The following TGM3 variants were observed in gnomAD, a reference collection of about 807,000 sequenced individuals.
The protein encoded by TGM3 is protein-glutamine gamma-glutamyltransferase E.
TGM3 carries 52 observed loss-of-function variants against 73.8 expected under a neutral mutation model. That is an observed-to-expected ratio of 0.70 (90% confidence interval 0.56 to 0.89). The LOEUF is 0.89. Among genes scored for constraint, TGM3 ranks in the 40% least tolerant of loss-of-function variants. TGM3 has a pLI of 0.00. For missense variants in TGM3, 928 were observed against 909.9 expected (o/e 1.02, Z -0.26); for synonymous variants, 372 against 354.9 (o/e 1.05, Z -0.54).
At chr20:2,315,329 C>T (rs900523161) in intron 5 of TGM3, among the ~76,000 whole-genome samples, 1 of 152,228 alleles carries the variant, frequency 6.6e-6, no homozygotes, top group Non-Finnish European at 1.5e-5. Context: ...CAGCTTTCAG[C>T]CAGAGATGAC....
intron 1 of TGM3, among the ~76,000 whole-genome samples, chr20:2,307,490 G>A (rs529058745): frequency 9.7e-4 from 148 of 152,196 alleles, no homozygotes; most frequent in Non-Finnish European, 1.6e-3. Context: ...ATGGGCACCC[G>A]GCAAAATTCT....
Position 2,340,737 on chromosome 20 carries a change from C to T in TGM3, c.*156C>T. 2.1e-6 allele frequency: 2 copies of T among 960,520 alleles called. No individual in the cohort carries two copies. Among genetic ancestry groups the T allele is most frequent in the South Asian group, 1.4e-5 (1 of 69,422 alleles). The allele number at this position is 960,520 out of a possible 1,614,324, so 59.5% of individuals were successfully genotyped here. On this transcript the variant is annotated 3_prime_UTR_variant, in exon 13 of 13. Coordinates refer to ENST00000381458, the MANE Select transcript of TGM3 (RefSeq NM_003245.4). The stretch of plus-strand genomic sequence containing the variant: ...CCTCCAGGCTCCAGCACATCCCCCT[C>T]TCCTCTCCCCCAGGTTGGGGCTGGG...
chr20:2,327,276 C>A (rs1022391512), intron 8 of TGM3, among the ~76,000 whole-genome samples: 1 of 151,880 alleles, frequency 6.6e-6, no homozygotes, highest in African/African-American at 2.4e-5. Context: ...CGAGACCATC[C>A]TGGCTAACAT....
intron 8 of TGM3, among the ~76,000 whole-genome samples, chr20:2,326,731 C>T (rs1009788788): frequency 2.0e-5 from 3 of 151,952 alleles, no homozygotes; most frequent in Non-Finnish European, 2.9e-5. Context: ...GCCTTAATCC[C>T]AGCTACTTGG....
At chr20:2,337,240 G>T (rs996260888) in intron 11 of TGM3, among the ~76,000 whole-genome samples, 1 of 152,132 alleles carries the variant, frequency 6.6e-6, no homozygotes, top group African/African-American at 2.4e-5. Flanking sequence ...GTCAGTCCAG[G>T]CTTGTGCCCT....
chr20:2,326,257 C>T (rs564782524), intron 8 of TGM3, among the ~76,000 whole-genome samples: 6 of 152,340 alleles, frequency 3.9e-5, no homozygotes, highest in South Asian at 4.1e-4. Context: ...CTGCAGCAGC[C>T]TCTCCTTCCC....
intron 1 of TGM3, among the ~76,000 whole-genome samples, chr20:2,299,587 G>A (rs2084131494): frequency 6.6e-6 from 1 of 152,192 alleles, no homozygotes; most frequent in Admixed American, 6.5e-5. Context: ...GCTGAGAGAT[G>A]GGAGTCAGAA....
At chr20:2,315,520 C>T (rs147406200) in intron 5 of TGM3, among the ~76,000 whole-genome samples, 201 of 152,336 alleles carry the variant, frequency 1.3e-3, no homozygotes, top group African/African-American at 4.1e-3. Flanking sequence ...CTGGGCATGG[C>T]CTGTCCTGGG....
In TGM3 at chr20:2,340,465, C is replaced by G; in HGVS notation, c.1966C>G (p.Arg656Gly). The G allele has an allele frequency of 6.2e-7, 1 of 1,614,042 alleles. No homozygotes were observed. The highest frequency in any genetic ancestry group is 1.7e-4 in the Middle Eastern group (1 of 6,060). The change falls in exon 13 of 13, where the codon CGG becomes GGG. Residue 656 changes from arginine to glycine, a missense_variant. Physicochemically the swap from Arg to Gly is moderately radical, Grantham distance 125. Transcript: ENST00000381458. Reference protein sequence around the residue: ...VPTLGPKEGSRVRFDILPSRS... With the variant: ...VPTLGPKEGSGVRFDILPSRS... The stretch of plus-strand genomic sequence containing the variant: ...GACCCTAGGGCCCAAGGAGGGGTCC[C>G]GGGTCCGTTTTGATATCCTGCCCTC...
In TGM3 at chr20:2,310,329, C is replaced by T. The variant is rs1377885911; in HGVS notation, c.333C>T (p.Tyr111=). The T allele has an allele frequency of 9.9e-6, 16 of 1,614,128 alleles. No homozygotes were observed. The highest frequency in any genetic ancestry group is 1.3e-5 in the Non-Finnish European group (15 of 1,180,040). The change falls in exon 3 of 13, where the codon TAC becomes TAT. Residue 111 remains tyrosine (Y), a synonymous_variant. Coordinates refer to ENST00000381458, the MANE Select transcript of TGM3 (RefSeq NM_003245.4). ...SSPASAPIGR[Y]TMALQIFSQG... ...CTGCCAGCGCACCCATAGGACGGTACACAATGGCCCTCCAGATCTTCTCCC... is the reference window on the plus strand; with the variant it reads ...CTGCCAGCGCACCCATAGGACGGTATACAATGGCCCTCCAGATCTTCTCCC...
Position 2,332,063 on chromosome 20 carries a change from A to G in TGM3, c.1395A>G (p.Pro465=). Residue 465 remains proline, a synonymous_variant, in exon 10 of 13, where the codon CCA becomes CCG. Transcript: ENST00000381458. This position sits in a 1 kb window ranked among gnomAD's most constrained non-coding sequence, Gnocchi z 4.4. ...KALGKLKPNT[P]FAATSSMGLE... is the part of the protein sequence containing the mutation. ...TGGGGAAACTTAAACCCAACACGCC[A>G]TTTGCCGCGACGTCTTCAATGGGTT... is the stretch of plus-strand genomic sequence containing the variant. 1 of 1,614,208 alleles carries G rather than the reference A, an allele frequency of 6.2e-7. No individual in the cohort carries two copies. The highest frequency in any genetic ancestry group is 1.1e-5 in the South Asian group (1 of 91,088).
At position 2,327,488 on chromosome 20, in the gene TGM3, C is replaced by T. The variant is rs183688487; in HGVS notation, c.1088-632C>T. On this transcript the variant is annotated intron_variant, in intron 8 of 12. Coordinates refer to ENST00000381458, the MANE Select transcript of TGM3 (RefSeq NM_003245.4). Reference sequence around the variant, plus strand: ...CACGACTGCATCTCAAAAAAACAAACAAACAAACAAAAAAGATATAGTTAG... The same window carrying T: ...CACGACTGCATCTCAAAAAAACAAATAAACAAACAAAAAAGATATAGTTAG... Among the ~76,000 whole-genome samples, 3 of 152,078 alleles carry T rather than the reference C, an allele frequency of 2.0e-5. No homozygotes were observed. The East Asian group carries it at 5.8e-4, about 29-fold the overall frequency.
intron 7 of TGM3, 103 bp from the exon 8 acceptor site, chr20:2,325,746 T>C: frequency 1.2e-6 from 1 of 816,608 alleles, no homozygotes; most frequent in Non-Finnish European, 2.1e-6. Context: ...ACTCACTCGA[T>C]GCATGTTGTC....
At chr20:2,309,904 G>A in intron 2 of TGM3, 74 bp downstream of exon 2, 1 of 1,573,352 alleles carries the variant, frequency 6.4e-7, no homozygotes, top group Non-Finnish European at 8.7e-7. Context: ...GGACTGACGG[G>A]GACCACACTG....
chr20:2,309,736 G>A lies in TGM3; in HGVS notation c.87G>A (p.Glu29=). 6 of 1,614,184 alleles carry A rather than the reference G, an allele frequency of 3.7e-6. No individual in the cohort carries two copies. Among genetic ancestry groups the A allele is most frequent in the Non-Finnish European group, 4.2e-6 (5 of 1,180,036 alleles). Residue 29 remains glutamate (E), a synonymous_variant, in exon 2 of 13, where the codon GAG becomes GAA. Transcript: ENST00000381458. ...AHHTDKFSSQ[E]LILRRGQNFQ... is the part of the protein sequence containing the mutation. Reference sequence around the variant, plus strand: ...ACACAGACAAGTTCTCCAGCCAGGAGCTCATCTTGCGGAGAGGCCAAAACT... The same window carrying A: ...ACACAGACAAGTTCTCCAGCCAGGAACTCATCTTGCGGAGAGGCCAAAACT...
chr20:2,340,378 T>C (rs1011588511), intron 12 of TGM3, 56 bp from the exon 13 acceptor site: 2 of 1,605,006 alleles, frequency 1.2e-6, no homozygotes, highest in Non-Finnish European at 1.7e-6. Flanking sequence ...AGGAGGCCCG[T>C]CCAGCCCAAG....
At chr20:2,337,404 A>AAAGT (rs1226563906) in intron 11 of TGM3, among the ~76,000 whole-genome samples, 2 of 152,212 alleles carry the variant, frequency 1.3e-5, no homozygotes, top group Non-Finnish European at 2.9e-5. Context: ...ATTCTGTACT[A>AAAGT]AAGTGATCAG....
At chr20:2,299,105 T>C (rs747374668) in intron 1 of TGM3, among the ~76,000 whole-genome samples, 4 of 152,160 alleles carry the variant, frequency 2.6e-5, no homozygotes, top group Non-Finnish European at 5.9e-5. Context: ...GGCTCCACTC[T>C]GCCCCTTACG....
At position 2,340,440 on chromosome 20, in the gene TGM3, G is replaced by T. The variant is rs200154885; in HGVS notation, c.1941G>T (p.Pro647=). The change falls in exon 13 of 13, where the codon CCG becomes CCT. Residue 647 remains proline, a synonymous_variant. Transcript: ENST00000381458. ...TCTGTGCCCTCCCCATCAGCGTGCC[G>T]ACCCTAGGGCCCAAGGAGGGGTCCC... is the stretch of plus-strand genomic sequence containing the variant. ...LLLGNLKIDV[P]TLGPKEGSRV... The T allele has an allele frequency of 1.2e-6, 2 of 1,613,940 alleles. No homozygotes were observed. Among genetic ancestry groups the T allele is most frequent in the Non-Finnish European group, 1.7e-6 (2 of 1,179,932 alleles).
Sources: allele counts gnomAD v4.1 joint callset (sites outside exome capture counted in the v4.1 genomes callset), GRCh38; gene constraint gnomAD v4.1.1; non-coding constraint Gnocchi (gnomAD v3.1); transcripts MANE v1.5; gene names NCBI Gene and HGNC (gene_info 2026-07-23, HGNC 2026-07-21).